The following SSR4 variants were observed in gnomAD, a reference collection of about 807,000 sequenced individuals.
The protein encoded by SSR4 is translocon-associated protein subunit delta.
For missense variants in SSR4, 125 were observed against 148.8 expected, an observed-to-expected ratio of 0.84 and a Z score of 0.83; for synonymous variants, 84 against 65.6, an observed-to-expected ratio of 1.28 and a Z score of -1.35.
At chrX:153,797,605 G>A (rs782717848) in intron 3 of SSR4, 73 bp downstream of exon 3, 27 of 1,123,391 alleles carry the variant, frequency 2.4e-5, no homozygotes, top group South Asian at 2.0e-4. Context: ...AGGGGTGGCC[G>A]GTCAACCAGG....
chrX:153,794,802 C>CA, intron 1 of SSR4, 48 bp downstream of exon 1: 1 of 1,186,492 alleles, frequency 8.4e-7, no homozygotes, highest in Non-Finnish European at 1.1e-6. Flanking sequence ...TGACCCACGG[C>CA]AGGTGGTGTT....
rs1038529046 is a variant in SSR4 at position 153,797,754 on chromosome X, C to T, written c.291C>T (p.Ala97=). 4 of 1,210,774 alleles carry T rather than the reference C, an allele frequency of 3.3e-6. No homozygotes were observed. The highest frequency in any genetic ancestry group is 4.5e-6 in the Non-Finnish European group (4 of 895,137). Residue 97 remains alanine (A), a synonymous_variant, in exon 4 of 6, where the codon GCC becomes GCT. Transcript: ENST00000370086. Reference sequence around the variant, plus strand: ...CCTGGAGCCTGGACCACAAGAGCGCCCACGCAGGCACCTATGAGGTTAGAT... The same window carrying T: ...CCTGGAGCCTGGACCACAAGAGCGCTCACGCAGGCACCTATGAGGTTAGAT... The part of the protein sequence containing the change: ...QVSWSLDHKS[A]HAGTYEVRFF...
At chrX:153,798,282 G>A (rs782142810) in intron 5 of SSR4, 47 bp from the exon 6 acceptor site, 1 of 1,196,600 alleles carries the variant, frequency 8.4e-7, no homozygotes, top group South Asian at 1.8e-5. Context: ...TGGCTGGTCT[G>A]CTCACCTGTA....
At chrX:153,797,298 C>T (rs1291604617) in intron 2 of SSR4, 160 bp from the exon 3 acceptor site, 3 of 472,611 alleles carry the variant, frequency 6.3e-6, no homozygotes, top group Admixed American at 3.3e-5. Context: ...GGGCCAGTCA[C>T]GGGATTGGTG....
chrX:153,796,066 G>A (rs114650384), intron 1 of SSR4: 102 of 182,270 alleles, frequency 5.6e-4, no homozygotes, highest in African/African-American at 2.9e-3. Flanking sequence ...TCAGTAACTC[G>A]TCCAGGCCGT....
intron 1 of SSR4, chrX:153,795,160 C>A (rs1709855036): frequency 6.2e-6 from 1 of 160,803 alleles, no homozygotes; most frequent in South Asian, 1.4e-4. Context: ...GGAGCAAGAG[C>A]GGGGCGAGTT....
chrX:153,794,810 G>T (rs998518531), intron 1 of SSR4, 56 bp downstream of exon 1: 6 of 1,171,494 alleles, frequency 5.1e-6, no homozygotes, highest in Non-Finnish European at 6.9e-6. Context: ...GGCAGGTGGT[G>T]TTGGGGGCAG....
intron 2 of SSR4, 190 bp from the exon 3 acceptor site, chrX:153,797,268 G>T (rs1186508774): frequency 2.2e-6 from 1 of 449,835 alleles, no homozygotes; most frequent in African/African-American, 2.4e-5. Context: ...TTGTGCCCCC[G>T]TAGGGAAGAC....
In SSR4 at chrX:153,797,440, CT is replaced by C; in HGVS notation, c.187-15del. Reference sequence around the variant, plus strand: ...CAGAGGGGGCAGAAGGTGACCCTGCCTTTGTTCCCTCACCCAGAACATGGCT... The same window carrying C: ...CAGAGGGGGCAGAAGGTGACCCTGCCTTGTTCCCTCACCCAGAACATGGCT... On this transcript the variant is annotated splice_polypyrimidine_tract_variant and intron_variant, in intron 2 of 5. Transcript: ENST00000370086. 8.3e-7 allele frequency: 1 copy of C among 1,204,717 alleles called. No homozygotes were observed. The highest frequency in any genetic ancestry group is 1.1e-6 in the Non-Finnish European group (1 of 888,860).
At chrX:153,796,874 GT>G (rs1461457875) in intron 2 of SSR4, 2 of 254,185 alleles carry the variant, frequency 7.9e-6, no homozygotes, top group Non-Finnish European at 1.4e-5. Context: ...TTTTGTTTTT[GT>G]TTTTGTTTTT....
rs1420728457 is a variant in SSR4, at chrX:153,798,461, T to G, written c.*28T>G. On this transcript the variant is annotated 3_prime_UTR_variant, in exon 6 of 6. Coordinates refer to ENST00000370086, the MANE Select transcript of SSR4 (RefSeq NM_006280.3). ...GCGGCACCCCAGCCCTGCCCTTGCT[T>G]CCTTCAATAAACATCACAGGACCTG... The G allele has an allele frequency of 2.1e-5, 24 of 1,138,956 alleles. No homozygotes were observed. Among genetic ancestry groups the G allele is most frequent in the Non-Finnish European group, 2.2e-5 (19 of 850,317 alleles). 93.9% of individuals were successfully genotyped at this position (1,138,956 alleles called of 1,213,427 possible). A position where few individuals can be genotyped will look rare whatever the true frequency, so the allele number is the denominator to read the frequency against.
chrX:153,798,124 C>T lies in SSR4; in HGVS notation c.405C>T (p.Ser135=), dbSNP rs782054895. The T allele has an allele frequency of 1.4e-5, 17 of 1,208,670 alleles. No homozygotes were observed. Among genetic ancestry groups the T allele is most frequent in the Non-Finnish European group, 1.7e-5 (15 of 894,422 alleles). The change falls in exon 5 of 6, where the codon AGC becomes AGT. Residue 135 remains serine (S), a synonymous_variant. Transcript: ENST00000370086. ...TCATCCCGCCTCTGTTTACAGTCAG[C>T]GTGGACCATCGGGTGAGTGGCCTGG... ...ISIIPPLFTV[S]VDHRGTWNGP... is the part of the protein sequence containing the mutation.
intron 3 of SSR4, 79 bp downstream of exon 3, chrX:153,797,611 C>G (rs1233326436): frequency 8.9e-7 from 1 of 1,122,354 alleles, no homozygotes; most frequent in Non-Finnish European, 1.2e-6. Context: ...GGCCGGTCAA[C>G]CAGGGCCAGG....
At chrX:153,794,264 A>T, upstream of SSR4, 1 of 1,198,053 alleles carries the variant, frequency 8.3e-7, no homozygotes, top group Non-Finnish European at 1.1e-6. Flanking sequence ...GACGGCAGAG[A>T]AGGGCTGGCC....
chrX:153,797,717 C>T lies in SSR4; in HGVS notation c.262-8C>T. On this transcript the variant is annotated splice_region_variant and splice_polypyrimidine_tract_variant and intron_variant, in intron 3 of 5. Transcript: ENST00000370086. ...CTCTGCCCACACTCTGCTCAACACC[C>T]AACCCAGGTGTCCTGGAGCCTGGAC... 1.7e-6 allele frequency: 2 copies of T among 1,208,771 alleles called. No homozygotes were observed. The highest frequency in any genetic ancestry group is 2.2e-5 in the Admixed American group (1 of 46,086).
chrX:153,794,565 C>T (rs2092126947), upstream of SSR4: 2 of 1,176,143 alleles, frequency 1.7e-6, no homozygotes, highest in Non-Finnish European at 2.3e-6. Context: ...AGAGACGTCA[C>T]AATGCCGGCC....
intron 5 of SSR4, 75 bp downstream of exon 5, chrX:153,798,211 C>G: frequency 8.5e-7 from 1 of 1,174,768 alleles, no homozygotes; most frequent in Non-Finnish European, 1.2e-6. Flanking sequence ...AGCCCCAGCT[C>G]TGCTGCTGGG....
At position 153,798,210 on chromosome X, in the gene SSR4, TCTG is replaced by T. The variant is rs2092154635; in HGVS notation, c.417+81_417+83del. 3.4e-6 allele frequency: 4 copies of T among 1,171,919 alleles called. No individual in the cohort carries two copies. In the African/African-American group the frequency reaches 5.3e-5, roughly 16 times the overall value. ...AGGTTATCCTCTCCACAGCCCCAGC[TCTG>T]CTGCTGGGCCGTGATTGGCCAGCAT... On this transcript the variant is annotated intron_variant, in intron 5 of 5. Transcript: ENST00000370086.
rs2092131695 is a variant in SSR4, at chrX:153,795,126, A to G, written c.67+372A>G. On this transcript the variant is annotated intron_variant, in intron 1 of 5. Coordinates refer to ENST00000370086, the MANE Select transcript of SSR4 (RefSeq NM_006280.3). ...CGGGGCTGGAGGAGCCACATAAGCT[A>G]GGAAGGGACCTCAGTGAGGAGAGGG... 4 of 215,595 alleles carry G rather than the reference A, an allele frequency of 1.9e-5. No homozygotes were observed. In the South Asian group the frequency reaches 2.4e-4, roughly 13 times the overall value. The allele number at this position is 215,595 out of a possible 1,213,427, so 17.8% of individuals were successfully genotyped here.
Sources: gnomAD v4.1 joint callset for allele counts on GRCh38, gnomAD v4.1.1 for gene constraint, MANE v1.5 for transcripts, NCBI Gene and HGNC (gene_info 2026-07-23, HGNC 2026-07-21) for gene names.